HDAC9: variants seen among roughly 807,000 people sequenced by gnomAD.
The protein encoded by HDAC9 is histone deacetylase 9, also known as MEF-2 interacting transcription repressor (MITR) protein.
Under a neutral mutation model 139.4 loss-of-function variants are expected in HDAC9, and 41 were observed. The observed-to-expected ratio is 0.29, with a 90% CI of 0.23 to 0.38. HDAC9 has a LOEUF of 0.38. HDAC9 is among the 10% of genes least tolerant of loss of function. HDAC9 has a pLI of 1.00. For synonymous variants in HDAC9, 517 were observed against 476.2 expected, an observed-to-expected ratio of 1.09 and a Z score of -1.12; for missense variants, 1,147 against 1,297.0, an observed-to-expected ratio of 0.88 and a Z score of 1.78.
chr7:18,874,638 A>C, intron 22 of HDAC9, 42 bp downstream of exon 22: 4 of 1,154,460 alleles, frequency 3.5e-6, no homozygotes, highest in Non-Finnish European at 5.1e-6. Context: ...CTCTGATATC[A>C]TACCATCTTT....
At chr7:18,868,797 C>G (rs1456909781) in intron 21 of HDAC9, among the ~76,000 whole-genome samples, 1 of 152,064 alleles carries the variant, frequency 6.6e-6, no homozygotes, top group East Asian at 1.9e-4. Flanking sequence ...CTCTTCCCAC[C>G]CTTCTTATTG....
At chr7:18,721,198 C>G (rs1333980622) in intron 12 of HDAC9, among the ~76,000 whole-genome samples, 1 of 152,020 alleles carries the variant, frequency 6.6e-6, no homozygotes, top group Non-Finnish European at 1.5e-5. Flanking sequence ...ACAATGAACA[C>G]TCATAACATC....
intron 8 of HDAC9, among the ~76,000 whole-genome samples, chr7:18,636,616 CCTCTACATGGT>C (rs1444261540): frequency 6.6e-6 from 1 of 152,036 alleles, no homozygotes; most frequent in Non-Finnish European, 1.5e-5. Context: ...GTAATTCTGG[CCTCTACATGGT>C]CTTCAGGTCC....
intron 1 of HDAC9, among the ~76,000 whole-genome samples, chr7:18,097,465 C>CTT (rs34184774): frequency 4.9e-4 from 68 of 139,850 alleles, no homozygotes; most frequent in East Asian, 2.3e-3. Flanking sequence ...ACACTTTTAC[C>CTT]TTTTTTTTTT....
At chr7:18,601,361 G>GT (rs1562527284) in intron 6 of HDAC9, among the ~76,000 whole-genome samples, 1 of 152,068 alleles carries the variant, frequency 6.6e-6, no homozygotes, top group Non-Finnish European at 1.5e-5. Context: ...TGCCAGAGTT[G>GT]TTTGTTGTCA....
chr7:18,642,354 ATTCTCCCTACTT>A (rs1785931711), intron 8 of HDAC9, among the ~76,000 whole-genome samples: 1 of 151,920 alleles, frequency 6.6e-6, no homozygotes, highest in Non-Finnish European at 1.5e-5. Context: ...AGCCACCACC[ATTCTCCCTACTT>A]TTCTGTGGTT....
At chr7:18,432,686 G>A (rs374513414) in intron 1 of HDAC9, among the ~76,000 whole-genome samples, 15 of 152,204 alleles carry the variant, frequency 9.9e-5, no homozygotes, top group East Asian at 9.7e-4. Context: ...TGTGGCTCAC[G>A]CCTGTAATCC....
intron 12 of HDAC9, among the ~76,000 whole-genome samples, chr7:18,701,978 G>T (rs1783526240): frequency 6.6e-6 from 1 of 152,222 alleles, no homozygotes; most frequent in Non-Finnish European, 1.5e-5. Context: ...AGTCTCCTGA[G>T]TGTTAGTTTC....
intron 2 of HDAC9, among the ~76,000 whole-genome samples, chr7:18,275,654 A>G (rs1206077873): frequency 6.6e-6 from 1 of 152,122 alleles, no homozygotes; most frequent in African/African-American, 2.4e-5. Context: ...CCCACCAGAC[A>G]TATTTTATCC....
chr7:18,458,749 CAA>C (rs1793574326), intron 1 of HDAC9: 3 of 781,014 alleles, frequency 3.8e-6, no homozygotes, highest in South Asian at 1.5e-5. Context: ...AGAGTAGTAA[CAA>C]AGAGAGAGCT....
rs140399170 is a variant in HDAC9, at chr7:18,401,630, C to T, written c.-41-94632C>T. ...TCTTGTTATAATTGTGCTCAACAAC[C>T]TGCATTGGTTTTTGCCTCAGTTACA... On this transcript the variant is annotated intron_variant, in intron 1 of 3. Coordinates refer to the HDAC9 transcript ENST00000413509. Among the ~76,000 whole-genome samples, 395 of 152,302 alleles carry T rather than the reference C, an allele frequency of 2.6e-3. 1 individual carries two copies. The highest frequency in any genetic ancestry group is 9.2e-3 in the African/African-American group (384 of 41,568).
intron 24 of HDAC9, among the ~76,000 whole-genome samples, chr7:18,958,056 C>T (rs558897401): frequency 2.6e-5 from 4 of 152,148 alleles, no homozygotes; most frequent in South Asian, 4.1e-4. Flanking sequence ...GCTGGAGGTG[C>T]GTTGGCTCCT....
At chr7:18,353,375 G>T (rs1369125521) in intron 1 of HDAC9, among the ~76,000 whole-genome samples, 6 of 152,060 alleles carry the variant, frequency 3.9e-5, no homozygotes, top group Non-Finnish European at 8.8e-5. Flanking sequence ...AACTGTGTAG[G>T]TTATGAAAGA....
chr7:18,212,403 G>A (rs1160840121), intron 2 of HDAC9, among the ~76,000 whole-genome samples: 1 of 152,146 alleles, frequency 6.6e-6, no homozygotes, highest in Admixed American at 6.6e-5. Context: ...TGATGAGACA[G>A]CATAATCTTG....
At position 18,264,416 on chromosome 7, in the gene HDAC9, T is replaced by C. The variant is rs561229760; in HGVS notation, c.25+102067T>C. 1.3e-4 allele frequency among the ~76,000 whole-genome samples: 20 copies of C among 152,276 alleles called. No homozygotes were observed. In the South Asian group the frequency reaches 4.1e-3, roughly 32 times the overall value. On this transcript the variant is annotated intron_variant, in intron 2 of 12. Transcript: ENST00000417496. ...GGGAATTAAACAATATACTCCCAAA[T>C]AACCAATAGGTCAAAGAACAAAGCA...
chr7:18,835,950 T>G lies in HDAC9; in HGVS notation c.2637T>G (p.Gly879=), dbSNP rs376775906. 7.0e-6 allele frequency: 11 copies of G among 1,565,952 alleles called. No individual in the cohort carries two copies. The African/African-American group carries it at 9.5e-5, about 14-fold the overall frequency. Residue 879 remains glycine, a synonymous_variant, in exon 21 of 26, where the codon GGT becomes GGG. Transcript: ENST00000686413. ...EGYNINIAWT[G]GLDPPMGDVE... ...ACAATATAAATATTGCCTGGACAGG[T>G]GGCCTTGATCCTCCCATGGGAGATG...
At chr7:18,329,476 G>C (rs1006331724) in intron 1 of HDAC9, among the ~76,000 whole-genome samples, 16 of 150,612 alleles carry the variant, frequency 1.1e-4, no homozygotes, top group African/African-American at 3.9e-4. Flanking sequence ...ATTATACTTA[G>C]AAGGCCACTT....
chr7:18,945,524 G>A (rs528678337), intron 23 of HDAC9, among the ~76,000 whole-genome samples: 1 of 152,100 alleles, frequency 6.6e-6, no homozygotes, highest in African/African-American at 2.4e-5. Context: ...TGTAGGATTG[G>A]TTCTTTTTGT....
chr7:18,345,911 C>A (rs181341176), intron 1 of HDAC9, among the ~76,000 whole-genome samples: 3 of 152,106 alleles, frequency 2.0e-5, no homozygotes, highest in Non-Finnish European at 4.4e-5. Flanking sequence ...CTGTCTGTTT[C>A]TCTTCAAGGA....
Sources: gnomAD v4.1 joint callset for allele counts (sites outside exome capture counted in the v4.1 genomes callset) on GRCh38, gnomAD v4.1.1 for gene constraint, MANE v1.5 for transcripts, NCBI Gene and HGNC (gene_info 2026-07-23, HGNC 2026-07-21) for gene names.